Variants in ADGRV1 observed in about 807,000 individuals in gnomAD.
ADGRV1 encodes G-protein coupled receptor 98.
A neutral mutation model predicts 596.2 loss-of-function variants in ADGRV1; 359 were observed. That is an observed-to-expected ratio of 0.60 (90% confidence interval 0.55 to 0.66). The LOEUF (loss-of-function observed/expected upper bound fraction) is 0.66. Among genes scored for constraint, ADGRV1 ranks in the 30% least tolerant of loss-of-function variants. ADGRV1 has a pLI of 0.00. For missense variants in ADGRV1, 7,274 were observed against 7,575.6 expected, an observed-to-expected ratio of 0.96 and a Z score of 1.48; for synonymous variants, 2,681 against 2,679.2, an observed-to-expected ratio of 1.00 and a Z score of -0.02.
At chr5:91,029,963 T>C (rs1182538461) in intron 85 of ADGRV1, among the ~76,000 whole-genome samples, 1 of 152,158 alleles carries the variant, frequency 6.6e-6, no homozygotes, top group Non-Finnish European at 1.5e-5. Flanking sequence ...ATCTGGAATG[T>C]ATTTTGTGAA....
chr5:90,766,655 G>A (rs1212074313), intron 59 of ADGRV1, among the ~76,000 whole-genome samples: 2 of 152,240 alleles, frequency 1.3e-5, no homozygotes, highest in East Asian at 1.9e-4. Flanking sequence ...AAGTGAAGGC[G>A]CAAGGTCCTA....
chr5:90,861,309 T>TTTG (rs1554138991), intron 82 of ADGRV1, among the ~76,000 whole-genome samples: 438 of 152,058 alleles, frequency 2.9e-3, no homozygotes, highest in African/African-American at 0.01. Flanking sequence ...TATCTATTTT[T>TTTG]TTTTTGTTTT....
At chr5:90,819,293 G>T (rs1368776270) in intron 75 of ADGRV1, among the ~76,000 whole-genome samples, 2 of 151,268 alleles carry the variant, frequency 1.3e-5, no homozygotes, top group Non-Finnish European at 2.9e-5. Context: ...CCGTCTATTT[G>T]ATTCTTCTCT....
chr5:90,662,042 T>A (rs1485334805), intron 21 of ADGRV1, among the ~76,000 whole-genome samples: 1 of 152,104 alleles, frequency 6.6e-6, no homozygotes, highest in East Asian at 1.9e-4. Flanking sequence ...AAGTTTAAGC[T>A]GAATTAGAAA....
chr5:91,142,646 C>A (rs1368922113), intron 87 of ADGRV1, among the ~76,000 whole-genome samples: 2 of 152,180 alleles, frequency 1.3e-5, no homozygotes, highest in Non-Finnish European at 2.9e-5. Flanking sequence ...TGAGTCTTTC[C>A]TATCTCATAC....
intron 25 of ADGRV1, among the ~76,000 whole-genome samples, chr5:90,678,245 A>G (rs1181246645): frequency 6.6e-6 from 1 of 152,086 alleles, no homozygotes; most frequent in Non-Finnish European, 1.5e-5. Flanking sequence ...TCAATCAAGG[A>G]TATTGGTAGA....
At position 90,834,881 on chromosome 5, in the gene ADGRV1, T is replaced by C. The variant is rs142493995; in HGVS notation, c.16611+5695T>C. On this transcript the variant is annotated intron_variant, in intron 77 of 89. Transcript: ENST00000405460. ...GCCTATTTTCTTTCTTTCTCTTTCTTTCTTTTTTCTTTCTTTCTCTTTCTT... is the reference window on the plus strand; with the variant it reads ...GCCTATTTTCTTTCTTTCTCTTTCTCTCTTTTTTCTTTCTTTCTCTTTCTT... Among the ~76,000 whole-genome samples the C allele has an allele frequency of 1.7e-4, 26 of 151,940 alleles. No individual in the cohort carries two copies. The East Asian group carries it at 5.0e-3, about 29-fold the overall frequency.
chr5:90,726,570 A>C (rs1029986706), intron 48 of ADGRV1, among the ~76,000 whole-genome samples: 1 of 152,132 alleles, frequency 6.6e-6, no homozygotes, highest in African/African-American at 2.4e-5. Flanking sequence ...AGCATGTGAC[A>C]GTCACCTCAT....
At chr5:90,754,469 T>G (rs1225054296) in intron 54 of ADGRV1, among the ~76,000 whole-genome samples, 1 of 152,164 alleles carries the variant, frequency 6.6e-6, no homozygotes, top group African/African-American at 2.4e-5. Flanking sequence ...TATGGCAAAT[T>G]AAGTTTTTAA....
At chr5:90,802,028 TGAG>T (rs1761431879) in intron 70 of ADGRV1, among the ~76,000 whole-genome samples, 1 of 152,190 alleles carries the variant, frequency 6.6e-6, no homozygotes, top group African/African-American at 2.4e-5. Flanking sequence ...AATTATTCAA[TGAG>T]GAGGAGGAAA....
At chr5:90,644,212 A>G (rs1767396556) in intron 14 of ADGRV1, among the ~76,000 whole-genome samples, 1 of 152,184 alleles carries the variant, frequency 6.6e-6, no homozygotes, top group African/African-American at 2.4e-5. Context: ...CCATTTAAGC[A>G]TATGCAGTGC....
rs77909500 is a variant in ADGRV1, at chr5:91,127,046, C to T, written c.18433-22984C>T. On this transcript the variant is annotated intron_variant, in intron 87 of 89. Transcript: ENST00000405460. ...AATAATACACAAGGTCACCTGATTG[C>T]ACTTCCCAACAACCTGAACAAAGAG... Among the ~76,000 whole-genome samples the T allele has an allele frequency of 3.1e-4, 47 of 152,318 alleles. No homozygotes were observed. In the East Asian group the frequency reaches 8.7e-3, roughly 28 times the overall value.
chr5:90,916,103 G>A (rs560540364), intron 83 of ADGRV1, among the ~76,000 whole-genome samples: 1 of 151,978 alleles, frequency 6.6e-6, no homozygotes, highest in Non-Finnish European at 1.5e-5. Flanking sequence ...GATGCAAGAT[G>A]TCATTGGCCT....
At chr5:91,082,552 C>A (rs1322364674) in intron 86 of ADGRV1, among the ~76,000 whole-genome samples, 2 of 152,040 alleles carry the variant, frequency 1.3e-5, no homozygotes, top group Admixed American at 6.6e-5. Flanking sequence ...AAATGGATGA[C>A]CGAAGTCTTC....
chr5:90,870,656 C>A (rs909794505), intron 83 of ADGRV1, among the ~76,000 whole-genome samples: 32 of 152,142 alleles, frequency 2.1e-4, no homozygotes, highest in Non-Finnish European at 3.4e-4. Flanking sequence ...GGCTACCAGA[C>A]CACACCTGTG....
rs1327737879 is a variant in ADGRV1 at position 90,708,839 on chromosome 5, A to AT, written c.8755dup (p.Tyr2919LeufsTer35). 6 of 1,611,506 alleles carry AT rather than the reference A, an allele frequency of 3.7e-6. No homozygotes were observed. Among genetic ancestry groups the AT allele is most frequent in the African/African-American group, 1.3e-5 (1 of 74,888 alleles). On this transcript the variant is annotated frameshift_variant, in exon 39 of 90. Transcript: ENST00000405460. LOFTEE classifies it high-confidence loss of function. ...AGGATGATGTACCAGAGCTAGAAGA[A>AT]TATTTCCTGGTGAATTTAACTTACG...
intron 83 of ADGRV1, among the ~76,000 whole-genome samples, chr5:90,916,645 T>TTTTTTTTTTTG (rs1432844682): frequency 1.3e-5 from 2 of 148,944 alleles, no homozygotes; most frequent in Non-Finnish European, 3.0e-5. Flanking sequence ...TTTTTTTTTT[T>TTTTTTTTTTTG]TTTTTGAGAC....
intron 84 of ADGRV1, among the ~76,000 whole-genome samples, chr5:90,977,452 T>C (rs1779709850): frequency 6.6e-6 from 1 of 152,206 alleles, no homozygotes; most frequent in Admixed American, 6.5e-5. Flanking sequence ...AGGATACCAA[T>C]CTTTATTTCA....
chr5:90,874,918 A>G (rs1769087863), intron 83 of ADGRV1, among the ~76,000 whole-genome samples: 1 of 152,176 alleles, frequency 6.6e-6, no homozygotes, highest in South Asian at 2.1e-4. Flanking sequence ...GTTAAAAGAA[A>G]TCTTAGGCTT....
Sources: gnomAD v4.1 joint callset for allele counts (sites outside exome capture counted in the v4.1 genomes callset) on GRCh38, gnomAD v4.1.1 for gene constraint, MANE v1.5 for transcripts, NCBI Gene and HGNC (gene_info 2026-07-23, HGNC 2026-07-21) for gene names.